Variants in SV2C observed in about 807,000 individuals in gnomAD.
The protein encoded by SV2C is solute carrier family 22 member B3.
In SV2C, 49 loss-of-function variants were observed where a neutral mutation model predicts 79.7. The observed-to-expected ratio is 0.61, with a 90% CI of 0.49 to 0.78. The LOEUF (loss-of-function observed/expected upper bound fraction) is 0.78, where lower values mean the gene tolerates loss of function less well. SV2C is among the 30% of genes least tolerant of loss of function. The pLI is 0.00. For synonymous variants in SV2C, 334 were observed against 333.2 expected, an observed-to-expected ratio of 1.00 and a Z score of -0.03; for missense variants, 833 against 912.9, an observed-to-expected ratio of 0.91 and a Z score of 1.13.
chr5:75,899,163 G>A, the SV2C span, among the ~76,000 whole-genome samples: 1 of 151,968 alleles, frequency 6.6e-6, no homozygotes, highest in East Asian at 1.9e-4. Flanking sequence ...GCAATGTTAG[G>A]GTGTCAATTT....
At chr5:76,311,779 G>A (rs73764315) in intron 12 of SV2C, among the ~76,000 whole-genome samples, 1,972 of 152,246 alleles carry the variant, frequency 0.013, 42 homozygotes, top group African/African-American at 0.045. Flanking sequence ...CTAACATACT[G>A]GTGTGGGGGA....
At chr5:76,079,264 C>A, upstream of SV2C, 1 of 321,664 alleles carries the variant, frequency 3.1e-6, no homozygotes. Context: ...TTCTCAGAGG[C>A]TGAGATGGGG....
intron 2 of SV2C, among the ~76,000 whole-genome samples, chr5:76,136,881 G>C (rs1306268981): frequency 1.3e-5 from 2 of 152,178 alleles, no homozygotes; most frequent in African/African-American, 4.8e-5. Flanking sequence ...TGTTGGAGCT[G>C]ACAGGTCACA....
the SV2C span, among the ~76,000 whole-genome samples, chr5:76,073,503 GTATATATATATA>G: frequency 0.011 from 731 of 67,442 alleles, 16 homozygotes; most frequent in Admixed American, 0.042. Flanking sequence ...GTATGTGTGT[GTATATATATATA>G]TATATATATA....
the SV2C span, among the ~76,000 whole-genome samples, chr5:76,008,899 T>C: frequency 6.6e-6 from 1 of 152,098 alleles, no homozygotes; most frequent in Non-Finnish European, 1.5e-5. Context: ...GCTCACCCTC[T>C]TTGTCCACAG....
intron 3 of SV2C, 28 bp from the exon 4 acceptor site, chr5:76,209,708 T>G (rs1744710435): frequency 6.2e-7 from 1 of 1,606,260 alleles, no homozygotes; most frequent in Non-Finnish European, 8.5e-7. Flanking sequence ...ACACCCTGAT[T>G]TCATGTATTC....
chr5:75,898,384 A>G, the SV2C span, among the ~76,000 whole-genome samples: 2 of 152,282 alleles, frequency 1.3e-5, no homozygotes, highest in East Asian at 1.9e-4. Flanking sequence ...TGATTTGCTT[A>G]TATTGAACCA....
upstream of SV2C, among the ~76,000 whole-genome samples, chr5:76,081,492 A>T (rs1039857096): frequency 6.6e-6 from 1 of 152,196 alleles, no homozygotes; most frequent in African/African-American, 2.4e-5. Context: ...GCAGCACATT[A>T]ATTTTAGCCT....
intron 1 of SV2C, among the ~76,000 whole-genome samples, chr5:76,128,732 T>C (rs1452546606): frequency 2.0e-5 from 3 of 152,158 alleles, no homozygotes; most frequent in Admixed American, 1.3e-4. Context: ...CAAATCAAGG[T>C]GGTTTGTTTT....
chr5:76,201,611 C>T (rs1361293573), intron 3 of SV2C, among the ~76,000 whole-genome samples: 1 of 152,206 alleles, frequency 6.6e-6, no homozygotes, highest in Admixed American at 6.5e-5. Context: ...TTGTAGAAAT[C>T]ATCACCATTA....
the SV2C span, among the ~76,000 whole-genome samples, chr5:76,057,350 G>C: frequency 2.6e-5 from 4 of 151,982 alleles, no homozygotes; most frequent in African/African-American, 9.7e-5. Context: ...TTTACATTAG[G>C]TATATCTCCT....
the SV2C span, among the ~76,000 whole-genome samples, chr5:75,975,490 A>G: frequency 4.6e-5 from 7 of 152,306 alleles, no homozygotes; most frequent in Non-Finnish European, 2.9e-5. Flanking sequence ...TCTAAGACCT[A>G]TTCTTGACAC....
At chr5:76,154,072 T>C (rs1742651428) in intron 2 of SV2C, among the ~76,000 whole-genome samples, 1 of 152,186 alleles carries the variant, frequency 6.6e-6, no homozygotes, top group African/African-American at 2.4e-5. Flanking sequence ...GTCTGTTACC[T>C]TAGTGAGGTG....
chr5:75,932,868 ACTTC>A, the SV2C span, among the ~76,000 whole-genome samples: 13 of 152,092 alleles, frequency 8.5e-5, no homozygotes, highest in Admixed American at 7.2e-4. Context: ...CCCATTTCTC[ACTTC>A]CTTCCCCTCT....
the SV2C span, among the ~76,000 whole-genome samples, chr5:75,900,844 A>G: frequency 6.6e-6 from 1 of 152,006 alleles, no homozygotes; most frequent in South Asian, 2.1e-4. Flanking sequence ...TTCATCTTCC[A>G]TCACTGATAC....
At chr5:75,911,330 A>T in the SV2C span, 5 of 1,347,518 alleles carry the variant, frequency 3.7e-6, no homozygotes, top group Admixed American at 9.0e-5. Flanking sequence ...TCTGCCACAG[A>T]AGTAGTCCTC....
At chr5:75,892,954 T>A in the SV2C span, among the ~76,000 whole-genome samples, 2 of 152,242 alleles carry the variant, frequency 1.3e-5, no homozygotes, top group Admixed American at 1.3e-4. Context: ...ATGGGATTGC[T>A]GGGATGATTG....
chr5:75,997,382 C>T, the SV2C span, among the ~76,000 whole-genome samples: 1 of 151,486 alleles, frequency 6.6e-6, no homozygotes, highest in Non-Finnish European at 1.5e-5. Flanking sequence ...GCAAAAAAAC[C>T]TACCATCAGA....
intron 3 of SV2C, among the ~76,000 whole-genome samples, chr5:76,201,583 A>G (rs1434261284): frequency 1.3e-5 from 2 of 152,246 alleles, no homozygotes; most frequent in Non-Finnish European, 2.9e-5. Context: ...ATTGAGTTAT[A>G]GTAAGAATAC....
Sources: gnomAD v4.1 joint callset for allele counts (sites outside exome capture counted in the v4.1 genomes callset) on GRCh38, gnomAD v4.1.1 for gene constraint, MANE v1.5 for transcripts, NCBI Gene and HGNC (gene_info 2026-07-23, HGNC 2026-07-21) for gene names.